Variants in NLK observed in about 807,000 individuals in gnomAD.
NLK encodes the protein serine/threonine-protein kinase NLK.
Under a neutral mutation model 59.0 loss-of-function variants are expected in NLK, and 11 were observed. The ratio of observed to expected loss-of-function variants is 0.19; its 90% confidence interval spans 0.12 to 0.31. NLK has a LOEUF of 0.31. NLK is among the 10% of genes least tolerant of loss of function. NLK has a pLI of 1.00. For missense variants in NLK, 410 were observed against 661.1 expected, an observed-to-expected ratio of 0.62 and a Z score of 4.16; for synonymous variants, 235 against 235.9, an observed-to-expected ratio of 1.00 and a Z score of 0.03.
At chr17:28,117,827 T>C (rs1905846900) in intron 1 of NLK, among the ~76,000 whole-genome samples, 4 of 152,274 alleles carry the variant, frequency 2.6e-5, no homozygotes, top group South Asian at 2.1e-4. Flanking sequence ...ACATTAAATA[T>C]AGAAGATGAG....
At chr17:28,099,435 C>CT (rs1904822233) in intron 1 of NLK, among the ~76,000 whole-genome samples, 1 of 152,154 alleles carries the variant, frequency 6.6e-6, no homozygotes, top group Non-Finnish European at 1.5e-5. Context: ...AACTGGTCCC[C>CT]TCTCATCTGC....
intron 8 of NLK, among the ~76,000 whole-genome samples, chr17:28,186,117 A>G (rs1385444496): frequency 6.6e-6 from 1 of 152,256 alleles, no homozygotes; most frequent in African/African-American, 2.4e-5. Flanking sequence ...CCAAGAATAC[A>G]AAGTCACCAA....
rs116456664 is a variant in NLK at position 28,108,372 on chromosome 17, G to A, written c.459-14231G>A. Reference sequence around the variant, plus strand: ...TGTTAAAAAATAATTAAAATAGTGCGGCCTCACATCAAATGTTAGCTATTA... The same window carrying A: ...TGTTAAAAAATAATTAAAATAGTGCAGCCTCACATCAAATGTTAGCTATTA... On this transcript the variant is annotated intron_variant, in intron 1 of 10. Transcript: ENST00000407008. Among the ~76,000 whole-genome samples the A allele has an allele frequency of 6.5e-3, 986 of 151,708 alleles. 14 individuals are homozygous for A. Among genetic ancestry groups the A allele is most frequent in the African/African-American group, 0.022 (910 of 41,324 alleles).
intron 2 of NLK, 105 bp downstream of exon 2, chr17:28,122,837 A>C: frequency 3.9e-6 from 5 of 1,282,662 alleles, no homozygotes; most frequent in Non-Finnish European, 5.5e-6. Flanking sequence ...TAAAATTTGG[A>C]AATTGGCTAT....
chr17:28,136,446 T>G (rs1465562527), intron 3 of NLK, among the ~76,000 whole-genome samples: 2 of 152,174 alleles, frequency 1.3e-5, no homozygotes, highest in Non-Finnish European at 1.5e-5. Context: ...TAAAGACTTT[T>G]TAGGAAGGAA....
chr17:28,133,797 C>A (rs1322847290), intron 3 of NLK, among the ~76,000 whole-genome samples: 1 of 152,122 alleles, frequency 6.6e-6, no homozygotes, highest in Non-Finnish European at 1.5e-5. Flanking sequence ...TAGTGAGATA[C>A]TTTTTCTGAT....
At chr17:28,050,451 C>G (rs925689637) in intron 1 of NLK, among the ~76,000 whole-genome samples, 2 of 152,086 alleles carry the variant, frequency 1.3e-5, no homozygotes, top group Non-Finnish European at 2.9e-5. Flanking sequence ...AGCACATAAA[C>G]AGTTAAATAG....
intron 1 of NLK, among the ~76,000 whole-genome samples, chr17:28,079,392 C>T (rs1253389086): frequency 1.3e-5 from 2 of 152,154 alleles, no homozygotes; most frequent in African/African-American, 4.8e-5. Context: ...AGTAGGGTTG[C>T]TGAATTATAT....
chr17:28,173,207 A>T (rs1174709684), intron 7 of NLK, among the ~76,000 whole-genome samples: 1 of 152,226 alleles, frequency 6.6e-6, no homozygotes, highest in Non-Finnish European at 1.5e-5. Context: ...GCACTTCCTT[A>T]TCTCCTTTGG....
chr17:28,204,110 A>T, the NLK span, among the ~76,000 whole-genome samples: 129 of 152,324 alleles, frequency 8.5e-4, no homozygotes, highest in African/African-American at 2.9e-3. Flanking sequence ...ATAGCTTTTT[A>T]AACTGTCACA....
At chr17:28,099,251 G>A (rs910300401) in intron 1 of NLK, among the ~76,000 whole-genome samples, 2 of 151,808 alleles carry the variant, frequency 1.3e-5, no homozygotes, top group African/African-American at 4.8e-5. Context: ...TTCTGATTTT[G>A]TGTTCCTTTT....
chr17:28,122,487 T>C (rs1052218364), intron 1 of NLK, 116 bp from the exon 2 acceptor site: 2 of 1,067,960 alleles, frequency 1.9e-6, no homozygotes, highest in Non-Finnish European at 2.8e-6. Flanking sequence ...TTAAGTGGAC[T>C]TAATGTTGAG....
At chr17:28,186,372 A>G (rs1244044604) in intron 8 of NLK, among the ~76,000 whole-genome samples, 2 of 152,172 alleles carry the variant, frequency 1.3e-5, no homozygotes, top group Admixed American at 1.3e-4. Flanking sequence ...GGGTGACCCA[A>G]ATTATTTTTG....
intron 3 of NLK, among the ~76,000 whole-genome samples, chr17:28,136,502 C>T (rs1014124601): frequency 6.6e-6 from 1 of 152,244 alleles, no homozygotes; most frequent in African/African-American, 2.4e-5. Context: ...TATTATAGAA[C>T]AACTATTAAA....
chr17:28,093,536 G>C (rs187820029), intron 1 of NLK, among the ~76,000 whole-genome samples: 2 of 152,162 alleles, frequency 1.3e-5, no homozygotes, highest in Non-Finnish European at 2.9e-5. Context: ...TGGTGGGAAA[G>C]CTTTGTAATT....
intron 3 of NLK, among the ~76,000 whole-genome samples, chr17:28,159,210 G>A (rs1413958188): frequency 1.3e-5 from 2 of 152,150 alleles, no homozygotes; most frequent in East Asian, 1.9e-4. Flanking sequence ...GAAGGAAGAA[G>A]GCCAAATGAT....
At chr17:28,183,849 A>G (rs957382215) in intron 7 of NLK, among the ~76,000 whole-genome samples, 1 of 152,226 alleles carries the variant, frequency 6.6e-6, no homozygotes, top group African/African-American at 2.4e-5. Flanking sequence ...GCTTGAGGAA[A>G]AAATTCTCTG....
chr17:28,101,450 C>G (rs544761213), intron 1 of NLK, among the ~76,000 whole-genome samples: 8 of 152,278 alleles, frequency 5.3e-5, no homozygotes, highest in Non-Finnish European at 1.2e-4. Flanking sequence ...TCACCAATTT[C>G]TCTTTGCAAT....
At chr17:28,194,453 A>G (rs1365841995) in intron 10 of NLK, 129 bp from the exon 11 acceptor site, 5 of 662,512 alleles carry the variant, frequency 7.5e-6, no homozygotes, top group African/African-American at 7.2e-5. Context: ...TTCAACTTCA[A>G]AGAAACAAAT....
Sources: allele counts gnomAD v4.1 joint callset (sites outside exome capture counted in the v4.1 genomes callset), GRCh38; gene constraint gnomAD v4.1.1; transcripts MANE v1.5; gene names NCBI Gene and HGNC (gene_info 2026-07-23, HGNC 2026-07-21).